Variants in TBC1D19 observed in about 807,000 individuals in gnomAD.
The protein encoded by TBC1D19 is TBC1 domain family member 19, also known as TBC1 domain family, member 19.
In TBC1D19, 60 loss-of-function variants were observed where a neutral mutation model predicts 89.0. That is an observed-to-expected ratio of 0.67 (90% CI 0.55 to 0.84). The LOEUF (loss-of-function observed/expected upper bound fraction) is 0.84, where lower values mean the gene tolerates loss of function less well. TBC1D19 is among the 40% of genes least tolerant of loss of function. TBC1D19 has a pLI of 0.00. For missense variants in TBC1D19, 500 were observed against 610.8 expected (o/e 0.82, Z 1.91); for synonymous variants, 189 against 199.7 (o/e 0.95, Z 0.45).
chr4:26,793,722 CA>C, the TBC1D19 span, among the ~76,000 whole-genome samples: 24,614 of 79,082 alleles, frequency 0.31, 2,073 homozygotes, highest in Middle Eastern at 0.42. Context: ...GACTTCGTCT[CA>C]AAAAAAAAAA....
At chr4:26,831,873 G>A in the TBC1D19 span, among the ~76,000 whole-genome samples, 14 of 152,234 alleles carry the variant, frequency 9.2e-5, no homozygotes, top group Non-Finnish European at 1.8e-4. Context: ...TTACAGGCTT[G>A]AGCCACCACA....
chr4:26,591,255 T>C (rs1739781196), intron 1 of TBC1D19, among the ~76,000 whole-genome samples: 1 of 152,128 alleles, frequency 6.6e-6, no homozygotes, highest in African/African-American at 2.4e-5. Context: ...TTAGTAATAT[T>C]TTATTGTATA....
chr4:26,829,209 A>C, the TBC1D19 span, among the ~76,000 whole-genome samples: 5 of 152,256 alleles, frequency 3.3e-5, no homozygotes, highest in Non-Finnish European at 7.3e-5. Flanking sequence ...CAAATGCCTT[A>C]ATGGGAAAAA....
chr4:26,757,019 A>ATT (rs35758647), downstream of TBC1D19, among the ~76,000 whole-genome samples: 3 of 146,184 alleles, frequency 2.1e-5, no homozygotes, highest in African/African-American at 7.5e-5. Context: ...TACCCATGCT[A>ATT]TTTTTTTTTT....
chr4:26,677,323 CTT>C (rs35553916), intron 11 of TBC1D19, among the ~76,000 whole-genome samples: 3 of 144,670 alleles, frequency 2.1e-5, no homozygotes. Flanking sequence ...CCTATAAATC[CTT>C]TTTTTTTTTT....
At chr4:26,817,861 G>A in the TBC1D19 span, among the ~76,000 whole-genome samples, 2 of 151,402 alleles carry the variant, frequency 1.3e-5, no homozygotes, top group Admixed American at 6.6e-5. Flanking sequence ...CCAGCCACTT[G>A]AAAGGCTGAG....
chr4:26,790,377 T>C, the TBC1D19 span, among the ~76,000 whole-genome samples: 65 of 152,302 alleles, frequency 4.3e-4, no homozygotes, highest in African/African-American at 1.5e-3. Context: ...ATAAATTTTA[T>C]TGTGTTAAGA....
chr4:26,603,089 A>C (rs767667438), intron 1 of TBC1D19, among the ~76,000 whole-genome samples: 61 of 152,308 alleles, frequency 4.0e-4, no homozygotes, highest in Middle Eastern at 3.4e-3. Context: ...AAAAATGGCA[A>C]AGTGAGCCTC....
chr4:26,775,529 A>G, the TBC1D19 span, among the ~76,000 whole-genome samples: 1,531 of 152,320 alleles, frequency 0.01, 31 homozygotes, highest in African/African-American at 0.035. Flanking sequence ...TGATTAGGCT[A>G]TGAGGGCTCC....
intron 7 of TBC1D19, among the ~76,000 whole-genome samples, chr4:26,642,118 A>C (rs1222196499): frequency 6.6e-6 from 1 of 152,208 alleles, no homozygotes; most frequent in Non-Finnish European, 1.5e-5. Flanking sequence ...ACCCCAAGGC[A>C]CATAACTGTC....
intron 1 of TBC1D19, among the ~76,000 whole-genome samples, chr4:26,605,244 C>T (rs1053744359): frequency 7.2e-5 from 10 of 139,394 alleles, no homozygotes; most frequent in Non-Finnish European, 1.5e-4. Flanking sequence ...TGATGTTCCC[C>T]TTCCTGTGTC....
chr4:26,742,423 A>G, intron 17 of TBC1D19, 85 bp from the exon 18 acceptor site: 3 of 1,156,494 alleles, frequency 2.6e-6, no homozygotes, highest in South Asian at 3.4e-5. Context: ...ATAGTTTCTC[A>G]TTTTCCATTT....
At chr4:26,589,304 C>A (rs1447803205) in intron 1 of TBC1D19, among the ~76,000 whole-genome samples, 1 of 151,506 alleles carries the variant, frequency 6.6e-6, no homozygotes, top group African/African-American at 2.4e-5. Flanking sequence ...ACAACAACAA[C>A]AAAACCCAGT....
the TBC1D19 span, among the ~76,000 whole-genome samples, chr4:26,831,486 C>G: frequency 6.6e-6 from 1 of 152,044 alleles, no homozygotes; most frequent in African/African-American, 2.4e-5. Flanking sequence ...TCAATAAAAC[C>G]TCATTTGCAA....
At chr4:26,751,596 A>G (rs1218871866) in intron 19 of TBC1D19, among the ~76,000 whole-genome samples, 2 of 152,194 alleles carry the variant, frequency 1.3e-5, no homozygotes, top group African/African-American at 4.8e-5. Context: ...TCTTGTATCT[A>G]CTGTTACATA....
At chr4:26,709,061 A>G (rs563785575) in intron 13 of TBC1D19, among the ~76,000 whole-genome samples, 110 of 152,042 alleles carry the variant, frequency 7.2e-4, no homozygotes, top group African/African-American at 2.6e-3. Flanking sequence ...TGTTGTTGAA[A>G]AAGGGACATA....
At chr4:26,668,986 TACACACACAC>T (rs3839171) in intron 9 of TBC1D19, among the ~76,000 whole-genome samples, 35 of 146,910 alleles carry the variant, frequency 2.4e-4, no homozygotes, top group East Asian at 1.0e-3. Context: ...TTTAAATACA[TACACACACAC>T]ACACACACAC....
chr4:26,691,960 A>T (rs1326058327), intron 13 of TBC1D19, among the ~76,000 whole-genome samples: 3 of 152,306 alleles, frequency 2.0e-5, no homozygotes, highest in East Asian at 1.9e-4. Context: ...CTATTTTTTT[A>T]AAAGTATTTA....
downstream of TBC1D19, among the ~76,000 whole-genome samples, chr4:26,761,220 T>G (rs1469796148): frequency 6.6e-6 from 1 of 152,218 alleles, no homozygotes; most frequent in East Asian, 1.9e-4. Context: ...CTTTTTAATC[T>G]GCACCAAAAG....
Sources: allele counts gnomAD v4.1 joint callset (sites outside exome capture counted in the v4.1 genomes callset), GRCh38; gene constraint gnomAD v4.1.1; transcripts MANE v1.5; gene names NCBI Gene and HGNC (gene_info 2026-07-23, HGNC 2026-07-21).